Variants in EPM2A observed in about 807,000 individuals in gnomAD.
The protein encoded by EPM2A is EPM2A glucan phosphatase, laforin.
In EPM2A, 21 loss-of-function variants were observed where a neutral mutation model predicts 26.5. That is an observed-to-expected ratio of 0.79 (90% CI 0.56 to 1.14). The LOEUF (loss-of-function observed/expected upper bound fraction) is 1.14. Ranked by LOEUF, EPM2A falls within the 50% of genes most tolerant of loss-of-function variation. The pLI, the probability that EPM2A is intolerant of heterozygous loss-of-function variation, is 0.00. For synonymous variants in EPM2A, 217 were observed against 177.6 expected (o/e 1.22, Z -1.76); for missense variants, 458 against 440.8 (o/e 1.04, Z -0.35).
intron 2 of EPM2A, among the ~76,000 whole-genome samples, chr6:145,602,797 A>G (rs1258955712): frequency 6.6e-6 from 1 of 152,232 alleles, no homozygotes; most frequent in Non-Finnish European, 1.5e-5. Flanking sequence ...GGAAACTGAA[A>G]TAGAAGAAAA....
Position 145,627,480 on chromosome 6 carries a change from G to T in EPM2A, c.932C>A (p.Ala311Asp). The T allele has an allele frequency of 6.2e-7, 1 of 1,614,256 alleles. No homozygotes were observed. The highest frequency in any genetic ancestry group is 8.5e-7 in the Non-Finnish European group (1 of 1,180,040). The change falls in exon 4 of 4, where the codon GCC becomes GAC. Residue 311 changes from alanine (A) to aspartate (D), a missense_variant. Transcript: ENST00000367519. ...CTGGAAAAAATCTTCTTGTGCCCGG[G>T]CCAAGGCCTCTTCGTCAATGTAGAC... ...PAVYIDEEALARAQEDFFQKF... is the reference protein window; with the variant it reads ...PAVYIDEEALDRAQEDFFQKF...
intron 4 of EPM2A, among the ~76,000 whole-genome samples, chr6:145,485,658 A>G (rs1021665120): frequency 3.9e-5 from 6 of 152,204 alleles, no homozygotes; most frequent in Non-Finnish European, 8.8e-5. Flanking sequence ...AAAGCAAAAA[A>G]GGGATGTTCT....
At chr6:145,422,996 C>T (rs1480672844) in intron 4 of EPM2A, among the ~76,000 whole-genome samples, 3 of 151,806 alleles carry the variant, frequency 2.0e-5, no homozygotes, top group Admixed American at 2.0e-4. Flanking sequence ...AATAAATGAT[C>T]ATTAATTTAA....
intron 2 of EPM2A, among the ~76,000 whole-genome samples, chr6:145,617,952 T>C (rs1262089778): frequency 6.6e-6 from 1 of 152,152 alleles, no homozygotes; most frequent in Non-Finnish European, 1.5e-5. Context: ...CAAAAAAAAT[T>C]TTTTTAATTA....
intron 4 of EPM2A, among the ~76,000 whole-genome samples, chr6:145,471,399 C>A (rs1351215057): frequency 1.3e-5 from 2 of 151,952 alleles, no homozygotes; most frequent in Non-Finnish European, 2.9e-5. Context: ...CTCACAAGGA[C>A]ACCAAGTTAA....
intron 2 of EPM2A, among the ~76,000 whole-genome samples, chr6:145,520,629 C>T (rs1780190525): frequency 6.6e-6 from 1 of 152,004 alleles, no homozygotes; most frequent in Non-Finnish European, 1.5e-5. Flanking sequence ...TTCATTTTCA[C>T]AAATATTTAT....
chr6:145,712,569 T>C (rs1192918784), intron 1 of EPM2A, among the ~76,000 whole-genome samples: 3 of 152,094 alleles, frequency 2.0e-5, no homozygotes, highest in Non-Finnish European at 2.9e-5. Context: ...AAGTTGATGG[T>C]CAAGAGAAGG....
At chr6:145,430,960 G>A (rs1778913443) in intron 4 of EPM2A, among the ~76,000 whole-genome samples, 1 of 152,088 alleles carries the variant, frequency 6.6e-6, no homozygotes, top group Admixed American at 6.6e-5. Context: ...GATTTTTCCA[G>A]ATATATCTCT....
chr6:145,684,788 G>A (rs1233888169), intron 2 of EPM2A: 2 of 105,324 alleles, frequency 1.9e-5, no homozygotes, highest in Non-Finnish European at 1.9e-5. Context: ...CCCCATCTCA[G>A]TAAGTGGCAA....
At chr6:145,476,377 T>C (rs1448179453) in intron 4 of EPM2A, among the ~76,000 whole-genome samples, 1 of 151,914 alleles carries the variant, frequency 6.6e-6, no homozygotes, top group Non-Finnish European at 1.5e-5. Context: ...TAGACAGACC[T>C]TCTAGGCAGA....
chr6:145,501,215 CA>C (rs1779885408), downstream of EPM2A, among the ~76,000 whole-genome samples: 2 of 152,092 alleles, frequency 1.3e-5, no homozygotes, highest in Non-Finnish European at 2.9e-5. Flanking sequence ...ACAATAATCA[CA>C]AAAATCCTAA....
At chr6:145,702,642 C>A (rs1291757784) in intron 1 of EPM2A, among the ~76,000 whole-genome samples, 1 of 152,170 alleles carries the variant, frequency 6.6e-6, no homozygotes, top group Admixed American at 6.5e-5. Flanking sequence ...TCCTCCTAGT[C>A]TTTGCAAAAC....
chr6:145,505,854 G>GAA (rs1779965693), intron 2 of EPM2A, among the ~76,000 whole-genome samples: 1 of 152,156 alleles, frequency 6.6e-6, no homozygotes. Context: ...GAATGAAAAA[G>GAA]TTAAAATTTA....
At chr6:145,384,570 T>C (rs1778233372) in intron 4 of EPM2A, among the ~76,000 whole-genome samples, 1 of 147,634 alleles carries the variant, frequency 6.8e-6, no homozygotes, top group Non-Finnish European at 1.5e-5. Context: ...AACCCCTCAT[T>C]GATCTGGCAT....
intron 2 of EPM2A, among the ~76,000 whole-genome samples, chr6:145,652,060 C>G (rs1054619117): frequency 6.6e-6 from 1 of 152,090 alleles, no homozygotes; most frequent in East Asian, 1.9e-4. Flanking sequence ...TTCAAACTTA[C>G]TTATAAGATA....
chr6:145,387,056 A>T (rs1487454260), intron 4 of EPM2A, among the ~76,000 whole-genome samples: 2 of 152,084 alleles, frequency 1.3e-5, no homozygotes, highest in Non-Finnish European at 2.9e-5. Context: ...TCTTGGCCAA[A>T]CCCAAGGGAA....
At chr6:145,478,663 C>A (rs1306369084) in intron 4 of EPM2A, among the ~76,000 whole-genome samples, 1 of 151,750 alleles carries the variant, frequency 6.6e-6, no homozygotes. Context: ...CTATACATTT[C>A]CCTTTAAGAA....
At chr6:145,481,125 T>C (rs1779607098) in intron 4 of EPM2A, among the ~76,000 whole-genome samples, 1 of 152,112 alleles carries the variant, frequency 6.6e-6, no homozygotes, top group African/African-American at 2.4e-5. Flanking sequence ...TCCCAATGGA[T>C]GGTAGCACCA....
At chr6:145,551,057 C>T (rs529381867) in intron 2 of EPM2A, among the ~76,000 whole-genome samples, 14 of 152,114 alleles carry the variant, frequency 9.2e-5, no homozygotes, top group African/African-American at 2.6e-4. Flanking sequence ...GTGTGAGAGA[C>T]TTCATACCTT....
Sources: gnomAD v4.1 joint callset for allele counts (sites outside exome capture counted in the v4.1 genomes callset) on GRCh38, gnomAD v4.1.1 for gene constraint, MANE v1.5 for transcripts, NCBI Gene and HGNC (gene_info 2026-07-23, HGNC 2026-07-21) for gene names.